DNAH9: variants seen among roughly 807,000 people sequenced by gnomAD.
DNAH9 encodes the protein dynein axonemal heavy chain 9, also known as DNAH9 variant protein.
In DNAH9, 345 loss-of-function variants were observed where a neutral mutation model predicts 471.6. The ratio of observed to expected loss-of-function variants is 0.73; its 90% CI spans 0.67 to 0.80. DNAH9 has a LOEUF of 0.80. Among genes scored for constraint, DNAH9 ranks in the 30% least tolerant of loss-of-function variants. The pLI is 0.00. For synonymous variants in DNAH9, 2,093 were observed against 2,123.6 expected, an observed-to-expected ratio of 0.99 and a Z score of 0.40; for missense variants, 5,407 against 5,609.2, an observed-to-expected ratio of 0.96 and a Z score of 1.15.
chr17:11,700,463 C>T (rs189914122), intron 23 of DNAH9, among the ~76,000 whole-genome samples: 1 of 152,158 alleles, frequency 6.6e-6, no homozygotes, highest in Non-Finnish European at 1.5e-5. Context: ...ACCCCTTAAG[C>T]CTCCTTCCCA....
chr17:11,747,986 C>G (rs1331073507), intron 32 of DNAH9, among the ~76,000 whole-genome samples: 1 of 152,068 alleles, frequency 6.6e-6, no homozygotes, highest in Non-Finnish European at 1.5e-5. Context: ...CCTCTTCCAG[C>G]TGCCTTTTAG....
chr17:11,890,472 C>T (rs1435515381), intron 57 of DNAH9, among the ~76,000 whole-genome samples: 1 of 148,948 alleles, frequency 6.7e-6, no homozygotes, highest in Non-Finnish European at 1.5e-5. Context: ...TCCTACTTTG[C>T]AAATGAAGAG....
At position 11,854,048 on chromosome 17, in the gene DNAH9, G is replaced by A. The variant is rs533596673; in HGVS notation, c.9553G>A (p.Val3185Ile). Residue 3185 changes from valine to isoleucine, a missense_variant, in exon 50 of 69, where the codon GTC (valine) becomes ATC (isoleucine). This residue lies in a region of DNAH9 where 4,636 missense variants were observed against 4,900.3 expected (regional missense o/e 0.95). Transcript: ENST00000262442. ...GTCATTTGGCTCTCCGCCTCTGGCC[G>A]TCAGCAATGTCAGCGCTGCGGTGAT... ...LKSFGSPPLAVSNVSAAVMVL... is the reference protein window; with the variant it reads ...LKSFGSPPLAISNVSAAVMVL... The A allele has an allele frequency of 1.2e-6, 2 of 1,614,006 alleles. No homozygotes were observed. Among genetic ancestry groups the A allele is most frequent in the East Asian group, 2.2e-5 (1 of 44,884 alleles).
chr17:11,722,333 A>C (rs1191940981), intron 27 of DNAH9, among the ~76,000 whole-genome samples: 2 of 152,228 alleles, frequency 1.3e-5, no homozygotes, highest in Admixed American at 6.5e-5. Flanking sequence ...AAGGAACTGC[A>C]GGCTTCGGAA....
chr17:11,907,661 A>T (rs1268745869), intron 61 of DNAH9, among the ~76,000 whole-genome samples: 1 of 152,112 alleles, frequency 6.6e-6, no homozygotes, highest in South Asian at 2.1e-4. Context: ...AGTATTGATT[A>T]TGGAATGAAA....
intron 14 of DNAH9, among the ~76,000 whole-genome samples, chr17:11,662,200 T>C (rs1482704605): frequency 3.3e-5 from 5 of 152,202 alleles, no homozygotes; most frequent in South Asian, 2.1e-4. Flanking sequence ...CTATATGTAA[T>C]GTATTATTTA....
chr17:11,821,857 A>G (rs1970319325), intron 45 of DNAH9, 63 bp from the exon 46 acceptor site: 5 of 1,554,234 alleles, frequency 3.2e-6, no homozygotes, highest in South Asian at 2.5e-5. Flanking sequence ...ATAACTTCCC[A>G]TGTCTGATTG....
At chr17:11,659,263 C>CA (rs1014672393) in intron 14 of DNAH9, among the ~76,000 whole-genome samples, 3 of 151,808 alleles carry the variant, frequency 2.0e-5, no homozygotes, top group Admixed American at 1.3e-4. Context: ...AACTTACTGG[C>CA]AAAAAAAATT....
At chr17:11,909,075 C>T (rs972139444) in intron 61 of DNAH9, among the ~76,000 whole-genome samples, 4 of 152,184 alleles carry the variant, frequency 2.6e-5, no homozygotes, top group Non-Finnish European at 2.9e-5. Context: ...AGCATATCCA[C>T]GAACTCAAAC....
chr17:11,768,206 C>G (rs1197477678), intron 36 of DNAH9, among the ~76,000 whole-genome samples: 1 of 152,210 alleles, frequency 6.6e-6, no homozygotes, highest in Non-Finnish European at 1.5e-5. Context: ...TAAGACATGG[C>G]AGGACCAGGC....
intron 43 of DNAH9, among the ~76,000 whole-genome samples, chr17:11,804,766 C>T (rs547695324): frequency 5.0e-4 from 76 of 151,254 alleles, no homozygotes; most frequent in African/African-American, 1.7e-3. Context: ...CCCAGCTACT[C>T]GGGAGGCTGA....
At position 11,652,840 on chromosome 17, in the gene DNAH9, G is replaced by A. The variant is rs2073543448; in HGVS notation, c.2433G>A (p.Val811=). 6.2e-7 allele frequency: 1 copy of A among 1,613,812 alleles called. No homozygotes were observed. The highest frequency in any genetic ancestry group is 1.1e-5 in the South Asian group (1 of 91,074). Residue 811 remains valine, a synonymous_variant, in exon 14 of 69, where the codon GTG becomes GTA. Transcript: ENST00000262442. ...EQRIQKTKDN[V]EEIQNIMKTW... is the part of the protein sequence containing the mutation. ...GAATTCAGAAAACTAAAGACAATGT[G>A]GAAGAGATCCAAAACATCATGAAAA...
At chr17:11,723,846 T>G (rs554089568) in intron 27 of DNAH9, among the ~76,000 whole-genome samples, 2 of 152,076 alleles carry the variant, frequency 1.3e-5, no homozygotes, top group East Asian at 3.9e-4. Context: ...TGGTTTTTTT[T>G]GTACTTTTAG....
chr17:11,696,195 T>C lies in DNAH9; in HGVS notation c.4872+1748T>C, dbSNP rs376158296. Among the ~76,000 whole-genome samples, 10 of 152,336 alleles carry C rather than the reference T, an allele frequency of 6.6e-5. No homozygotes were observed. In the South Asian group the frequency reaches 2.1e-3, roughly 32 times the overall value. On this transcript the variant is annotated intron_variant, in intron 22 of 68. Coordinates refer to ENST00000262442, the MANE Select transcript of DNAH9 (RefSeq NM_001372.4). ...TTTACATTCATGCATGTACAGTTTCTAATTTCCCCTTCTTTCATACACAAA... is the reference window on the plus strand; with the variant it reads ...TTTACATTCATGCATGTACAGTTTCCAATTTCCCCTTCTTTCATACACAAA...
intron 58 of DNAH9, among the ~76,000 whole-genome samples, chr17:11,893,815 C>A (rs571895170): frequency 6.6e-6 from 1 of 152,124 alleles, no homozygotes; most frequent in Admixed American, 6.6e-5. Flanking sequence ...CCACCATGGC[C>A]CATGTACATC....
intron 67 of DNAH9, among the ~76,000 whole-genome samples, chr17:11,946,543 A>G (rs1975130042): frequency 6.6e-6 from 1 of 151,510 alleles, no homozygotes; most frequent in Non-Finnish European, 1.5e-5. Context: ...AGGCACCTGT[A>G]GTCCCAGCCA....
At chr17:11,677,707 G>T (rs1277086164) in intron 17 of DNAH9, among the ~76,000 whole-genome samples, 2 of 151,318 alleles carry the variant, frequency 1.3e-5, no homozygotes, top group African/African-American at 4.9e-5. Context: ...CTTTTTCATT[G>T]ACTTCCTTTT....
chr17:11,867,666 T>C (rs992422978), intron 50 of DNAH9, among the ~76,000 whole-genome samples: 1 of 152,236 alleles, frequency 6.6e-6, no homozygotes, highest in African/African-American at 2.4e-5. Flanking sequence ...GCATTAAATC[T>C]CTTCTTGTCC....
chr17:11,753,927 G>A (rs1465390815), intron 33 of DNAH9, among the ~76,000 whole-genome samples: 1 of 152,072 alleles, frequency 6.6e-6, no homozygotes, highest in African/African-American at 2.4e-5. Context: ...ACTAAGTTCA[G>A]TACCAATAGT....
Sources: allele counts gnomAD v4.1 joint callset (sites outside exome capture counted in the v4.1 genomes callset), GRCh38; gene constraint gnomAD v4.1.1; regional missense constraint gnomAD v4.1.1; transcripts MANE v1.5; gene names NCBI Gene and HGNC (gene_info 2026-07-23, HGNC 2026-07-21).